The following SORCS3 variants were observed in gnomAD, a reference collection of about 807,000 sequenced individuals.
SORCS3 encodes VPS10 domain-containing receptor SorCS3.
A neutral mutation model predicts 146.3 loss-of-function variants in SORCS3; 57 were observed. The observed-to-expected ratio is 0.39, with a 90% confidence interval of 0.31 to 0.49. The LOEUF is 0.49. Ranked by LOEUF, SORCS3 falls within the 20% of genes least tolerant of loss-of-function variation. The probability of loss-of-function intolerance (pLI) is 0.92; values close to 1 mark genes in which losing one functional copy is unlikely to be tolerated. For synonymous variants in SORCS3, 653 were observed against 618.5 expected, an observed-to-expected ratio of 1.06 and a Z score of -0.83; for missense variants, 1,341 against 1,575.5, an observed-to-expected ratio of 0.85 and a Z score of 2.52.
intron 2 of SORCS3, among the ~76,000 whole-genome samples, chr10:104,849,648 A>G (rs1166522816): frequency 6.6e-6 from 1 of 152,222 alleles, no homozygotes; most frequent in Non-Finnish European, 1.5e-5. Flanking sequence ...ATAGAATGAT[A>G]ATAAAGTCTA....
chr10:105,032,906 T>C (rs1881226), intron 4 of SORCS3, among the ~76,000 whole-genome samples: 32,859 of 151,798 alleles, frequency 0.22, 3,918 homozygotes, highest in African/African-American at 0.32. Flanking sequence ...GAGGGTGGGG[T>C]GGGAATGTGG....
intron 4 of SORCS3, among the ~76,000 whole-genome samples, chr10:105,016,151 ATATATT>A (rs1564735354): frequency 4.8e-5 from 5 of 104,558 alleles, no homozygotes; most frequent in Non-Finnish European, 9.0e-5. Flanking sequence ...ATATATATAT[ATATATT>A]TTTTTTTTTT....
At chr10:105,184,607 T>C (rs899714525) in intron 14 of SORCS3, among the ~76,000 whole-genome samples, 1 of 152,252 alleles carries the variant, frequency 6.6e-6, no homozygotes, top group Non-Finnish European at 1.5e-5. Context: ...ATATACTTTT[T>C]ATGAAATGGC....
intron 1 of SORCS3, 68 bp downstream of exon 1, chr10:104,642,022 G>GGGGGGGGGGGGGGCGCCCC: frequency 1.2e-5 from 2 of 173,334 alleles, no homozygotes; most frequent in Non-Finnish European, 1.1e-5. Flanking sequence ...GGGTGGGTGG[G>GGGGGGGGGGGGGGCGCCCC]AGCGAGGGAC....
chr10:104,661,654 G>A (rs1359612878), intron 1 of SORCS3, among the ~76,000 whole-genome samples: 2 of 151,894 alleles, frequency 1.3e-5, no homozygotes, highest in Non-Finnish European at 1.5e-5. Flanking sequence ...TGTTATTTAA[G>A]GTAGTATGAT....
intron 4 of SORCS3, among the ~76,000 whole-genome samples, chr10:105,008,688 C>T (rs143251863): frequency 0.013 from 2,042 of 152,186 alleles, 42 homozygotes; most frequent in African/African-American, 0.046. Flanking sequence ...ATTCTGTTGC[C>T]CCGGCTAGAG....
chr10:105,046,628 G>A (rs980503643), intron 5 of SORCS3, among the ~76,000 whole-genome samples: 1 of 152,086 alleles, frequency 6.6e-6, no homozygotes, highest in Non-Finnish European at 1.5e-5. Flanking sequence ...CCTTCTTGTG[G>A]GTTAGGCAGA....
At chr10:105,060,664 C>T (rs149943346) in intron 5 of SORCS3, among the ~76,000 whole-genome samples, 10 of 152,188 alleles carry the variant, frequency 6.6e-5, no homozygotes, top group East Asian at 1.9e-4. Context: ...AAAGTCTGGG[C>T]GCGGTGGCTC....
intron 5 of SORCS3, among the ~76,000 whole-genome samples, chr10:105,064,524 T>C (rs1270407435): frequency 1.3e-5 from 2 of 152,168 alleles, no homozygotes; most frequent in Admixed American, 1.3e-4. Flanking sequence ...TCAGTCCAAG[T>C]CCAACAGTCT....
chr10:105,077,935 T>C (rs890149830), intron 5 of SORCS3, among the ~76,000 whole-genome samples: 6 of 152,148 alleles, frequency 3.9e-5, no homozygotes, highest in Non-Finnish European at 2.9e-5. Context: ...ATATCTATAA[T>C]TTGGGAGGAA....
At chr10:104,720,599 A>C (rs192940312) in intron 1 of SORCS3, among the ~76,000 whole-genome samples, 249 of 152,358 alleles carry the variant, frequency 1.6e-3, no homozygotes, top group South Asian at 4.3e-3. Context: ...CTAACAGTGT[A>C]AAAGTGTTCC....
intron 1 of SORCS3, among the ~76,000 whole-genome samples, chr10:104,662,179 A>G (rs2015711250): frequency 6.6e-6 from 1 of 152,196 alleles, no homozygotes; most frequent in Non-Finnish European, 1.5e-5. Context: ...AAATCAGGAT[A>G]TTACAGAGTT....
chr10:105,207,653 G>A (rs1401941841), intron 16 of SORCS3, among the ~76,000 whole-genome samples: 2 of 152,144 alleles, frequency 1.3e-5, no homozygotes, highest in African/African-American at 4.8e-5. Flanking sequence ...AGCTGTATGA[G>A]ATATTTTAAT....
chr10:104,702,656 A>G (rs181901975), intron 1 of SORCS3, among the ~76,000 whole-genome samples: 8 of 152,324 alleles, frequency 5.3e-5, no homozygotes, highest in East Asian at 1.9e-4. Flanking sequence ...CTTAAGAGCT[A>G]TGAACCTTGG....
At chr10:104,706,375 A>AT (rs1248711744) in intron 1 of SORCS3, among the ~76,000 whole-genome samples, 9 of 150,832 alleles carry the variant, frequency 6.0e-5, no homozygotes, top group African/African-American at 2.2e-4. Flanking sequence ...CGCCCAGGTG[A>AT]TTTTTGTATT....
At position 105,152,433 on chromosome 10, in the gene SORCS3, C is replaced by T. The variant is rs1330060286; in HGVS notation, c.1482+4637C>T. Among the ~76,000 whole-genome samples, 5 of 152,120 alleles carry T rather than the reference C, an allele frequency of 3.3e-5. No individual in the cohort carries two copies. In the East Asian group the frequency reaches 7.7e-4, roughly 23 times the overall value. Reference sequence around the variant, plus strand: ...AATTATTTAGTTATTTTATATTTTTCCATACTAATTTTCATAATAAGTCTG... The same window carrying T: ...AATTATTTAGTTATTTTATATTTTTTCATACTAATTTTCATAATAAGTCTG... On this transcript the variant is annotated intron_variant, in intron 9 of 26. Transcript: ENST00000369701.
chr10:105,012,221 A>C (rs994897339), intron 4 of SORCS3, among the ~76,000 whole-genome samples: 2 of 152,188 alleles, frequency 1.3e-5, no homozygotes, highest in African/African-American at 2.4e-5. Context: ...CTGTCTCCCT[A>C]GTGCTAGGTA....
At chr10:104,741,278 T>C (rs2016839348) in intron 1 of SORCS3, among the ~76,000 whole-genome samples, 1 of 152,002 alleles carries the variant, frequency 6.6e-6, no homozygotes, top group African/African-American at 2.4e-5. Context: ...ATCAGACCTT[T>C]TCTTTTTAAT....
At chr10:105,252,184 G>A (rs1456210371) in intron 22 of SORCS3, among the ~76,000 whole-genome samples, 2 of 152,044 alleles carry the variant, frequency 1.3e-5, no homozygotes, top group African/African-American at 4.8e-5. Context: ...CTGACTGAAG[G>A]GTATGAATAT....
Sources: allele counts gnomAD v4.1 joint callset (sites outside exome capture counted in the v4.1 genomes callset), GRCh38; gene constraint gnomAD v4.1.1; transcripts MANE v1.5; gene names NCBI Gene and HGNC (gene_info 2026-07-23, HGNC 2026-07-21).